The following GNAL variants were observed in gnomAD, a reference collection of about 807,000 sequenced individuals.
GNAL encodes the protein guanine nucleotide-binding protein G(olf) subunit alpha.
A neutral mutation model predicts 55.1 loss-of-function variants in GNAL; 18 were observed. That is an observed-to-expected ratio of 0.33 (90% CI 0.23 to 0.48). The LOEUF is 0.48. Ranked by LOEUF, GNAL falls within the 20% of genes least tolerant of loss-of-function variation. The probability of loss-of-function intolerance (pLI) is 0.99; values close to 1 mark genes in which losing one functional copy is unlikely to be tolerated. For missense variants in GNAL, 412 were observed against 614.1 expected, an observed-to-expected ratio of 0.67 and a Z score of 3.48; for synonymous variants, 253 against 237.0, an observed-to-expected ratio of 1.07 and a Z score of -0.62.
chr18:11,872,540 A>G (rs537673612), intron 10 of GNAL, 142 bp downstream of exon 10: 1 of 597,306 alleles, frequency 1.7e-6, no homozygotes, highest in Non-Finnish European at 2.9e-6. Flanking sequence ...CCATATCCTA[A>G]AGTATTAGAG....
At chr18:11,720,522 C>T (rs2032070521) in intron 1 of GNAL, among the ~76,000 whole-genome samples, 2 of 152,144 alleles carry the variant, frequency 1.3e-5, no homozygotes, top group Non-Finnish European at 2.9e-5. Flanking sequence ...CAGATACTGC[C>T]AAATATGGAT....
intron 4 of GNAL, among the ~76,000 whole-genome samples, chr18:11,769,909 A>T (rs1358470689): frequency 6.6e-6 from 1 of 152,136 alleles, no homozygotes; most frequent in Non-Finnish European, 1.5e-5. Flanking sequence ...AATGATGAAC[A>T]TTTTTTTAAA....
chr18:11,716,551 C>G (rs1006083887), intron 1 of GNAL, among the ~76,000 whole-genome samples: 2 of 152,316 alleles, frequency 1.3e-5, no homozygotes, highest in East Asian at 3.9e-4. Flanking sequence ...CACCCACATC[C>G]TGCTGATTGG....
intron 1 of GNAL, among the ~76,000 whole-genome samples, chr18:11,723,011 CAAAAAAAAAA>C (rs61457198): frequency 1.3e-5 from 1 of 80,000 alleles, no homozygotes; most frequent in African/African-American, 5.6e-5. Context: ...AACTTCATCT[CAAAAAAAAAA>C]AAAAAAAAAA....
Position 11,827,974 on chromosome 18 carries a change from G to GA in GNAL, c.722+2977dup, listed in dbSNP as rs561574635. Among the ~76,000 whole-genome samples, 260 of 118,644 alleles carry GA rather than the reference G, an allele frequency of 2.2e-3. 1 individual carries two copies. Among genetic ancestry groups the GA allele is most frequent in the Admixed American group, 4.8e-3 (52 of 10,798 alleles). The allele number at this position is 118,644 out of a possible 152,430, so 77.8% of individuals were successfully genotyped here. ...CGACAGAGCGAGACTCCGTCTCAAG[G>GA]AAAAAAAAAAAAAAAAAAGATTTTC... On this transcript the variant is annotated intron_variant, in intron 5 of 11. Transcript: ENST00000334049.
intron 4 of GNAL, among the ~76,000 whole-genome samples, chr18:11,776,855 C>T (rs1295797799): frequency 1.3e-5 from 2 of 152,004 alleles, no homozygotes; most frequent in East Asian, 1.9e-4. Context: ...TTGTGTGCTG[C>T]GGGTCCCTTT....
chr18:11,784,947 TACTC>T (rs577512381), intron 4 of GNAL, among the ~76,000 whole-genome samples: 7 of 152,210 alleles, frequency 4.6e-5, no homozygotes, highest in Non-Finnish European at 1.0e-4. Context: ...CAAGAGGAAT[TACTC>T]AGTCACTACT....
chr18:11,722,472 G>A (rs2032116941), intron 1 of GNAL, among the ~76,000 whole-genome samples: 1 of 152,224 alleles, frequency 6.6e-6, no homozygotes, highest in African/African-American at 2.4e-5. Context: ...GCTTTGCCAT[G>A]TAATTTGTTA....
intron 4 of GNAL, among the ~76,000 whole-genome samples, chr18:11,786,103 T>G (rs532152397): frequency 5.0e-4 from 76 of 152,284 alleles, no homozygotes; most frequent in Middle Eastern, 3.4e-3. Flanking sequence ...CCTGTCGGCC[T>G]TTTGTGTGCT....
intron 1 of GNAL, among the ~76,000 whole-genome samples, chr18:11,707,521 C>A (rs1275872347): frequency 6.6e-6 from 1 of 152,282 alleles, no homozygotes; most frequent in East Asian, 1.9e-4. Flanking sequence ...TGTTTTTCCA[C>A]TGATAGAGCA....
chr18:11,769,061 ATTATAATATAGATTATATAAATTATATG>A, intron 4 of GNAL, among the ~76,000 whole-genome samples: 1 of 91,764 alleles, frequency 1.1e-5, no homozygotes, highest in Non-Finnish European at 1.8e-5. Context: ...TATAATATAT[ATTATAATATAGATTATATAAATTATATG>A]TAATATATAT....
chr18:11,716,127 C>T (rs1010550730), intron 1 of GNAL, among the ~76,000 whole-genome samples: 6 of 152,126 alleles, frequency 3.9e-5, no homozygotes, highest in Admixed American at 2.0e-4. Context: ...AACTACCATT[C>T]GACGCAGCAA....
At chr18:11,840,542 A>G (rs1480172560) in intron 5 of GNAL, among the ~76,000 whole-genome samples, 3 of 152,240 alleles carry the variant, frequency 2.0e-5, no homozygotes, top group Non-Finnish European at 4.4e-5. Flanking sequence ...CCTTTGAAAC[A>G]TAGTGTGACC....
intron 4 of GNAL, among the ~76,000 whole-genome samples, chr18:11,822,690 G>T (rs1365346582): frequency 3.9e-5 from 6 of 152,190 alleles, no homozygotes; most frequent in African/African-American, 1.4e-4. Flanking sequence ...TAGCTCTGGG[G>T]TCAGCACCGT....
intron 5 of GNAL, among the ~76,000 whole-genome samples, chr18:11,838,520 G>A (rs965902381): frequency 1.4e-4 from 21 of 152,192 alleles, no homozygotes; most frequent in African/African-American, 4.8e-4. Flanking sequence ...TCATTGAATT[G>A]TGCATCTTAA....
chr18:11,873,016 C>T (rs143422261), intron 10 of GNAL, among the ~76,000 whole-genome samples: 69 of 152,310 alleles, frequency 4.5e-4, no homozygotes, highest in African/African-American at 1.1e-3. Flanking sequence ...TTCCGGGGCA[C>T]GGGACCGTCA....
At position 11,884,696 on chromosome 18, in the gene GNAL, A is replaced by T; in HGVS notation, c.*3561A>T. On this transcript the variant is annotated 3_prime_UTR_variant, in exon 12 of 12. Coordinates refer to ENST00000334049, the MANE Select transcript of GNAL (RefSeq NM_182978.4). ...CGTTGAACACCGCAGTCTTAGAAAC[A>T]GCAGAGGGAAGACTGCCTTCTCAGG... is the stretch of plus-strand genomic sequence containing the variant. 6.6e-7 allele frequency: 1 copy of T among 1,505,640 alleles called. No individual in the cohort carries two copies. Among genetic ancestry groups the T allele is most frequent in the Non-Finnish European group, 9.1e-7 (1 of 1,094,570 alleles). 93.3% of individuals were successfully genotyped at this position (1,505,640 alleles called of 1,614,324 possible).
In GNAL at chr18:11,885,177, T is replaced by A; in HGVS notation, c.*4042T>A. ...GGGTTTCCTCCACCTTTTTATGAAG[T>A]AAAAGAACCTGTCGTACCAGCATCA... On this transcript the variant is annotated 3_prime_UTR_variant, in exon 12 of 12. Coordinates refer to ENST00000334049, the MANE Select transcript of GNAL (RefSeq NM_182978.4). 1.6e-6 allele frequency: 1 copy of A among 623,002 alleles called. No individual in the cohort carries two copies. The highest frequency in any genetic ancestry group is 2.3e-6 in the Non-Finnish European group (1 of 438,834). The allele number at this position is 623,002 out of a possible 1,614,324, so 38.6% of individuals were successfully genotyped here.
intron 11 of GNAL, among the ~76,000 whole-genome samples, chr18:11,877,728 G>C (rs746210562): frequency 6.6e-6 from 1 of 151,278 alleles, no homozygotes; most frequent in South Asian, 2.1e-4. Flanking sequence ...GCCTTTCCAC[G>C]GGGACCGGCA....
Sources: gnomAD v4.1 joint callset for allele counts (sites outside exome capture counted in the v4.1 genomes callset) on GRCh38, gnomAD v4.1.1 for gene constraint, MANE v1.5 for transcripts, NCBI Gene and HGNC (gene_info 2026-07-23, HGNC 2026-07-21) for gene names.